Variants in NECAB1 observed in about 807,000 individuals in gnomAD.
NECAB1 encodes N-terminal EF-hand calcium binding protein 1, also known as N-terminal EF-hand calcium-binding protein 1.
NECAB1 carries 29 observed loss-of-function variants against 57.5 expected under a neutral mutation model. That is an observed-to-expected ratio of 0.50 (90% CI 0.38 to 0.69). The LOEUF (loss-of-function observed/expected upper bound fraction) is 0.69, where lower values mean the gene tolerates loss of function less well. Ranked by LOEUF, NECAB1 falls within the 30% of genes least tolerant of loss-of-function variation. The probability of loss-of-function intolerance (pLI) is 0.00; values close to 1 mark genes in which losing one functional copy is unlikely to be tolerated. For synonymous variants in NECAB1, 142 were observed against 147.7 expected, an observed-to-expected ratio of 0.96 and a Z score of 0.28; for missense variants, 372 against 413.8, an observed-to-expected ratio of 0.90 and a Z score of 0.88.
intron 3 of NECAB1, among the ~76,000 whole-genome samples, chr8:90,845,256 A>G (rs1448532023): frequency 2.6e-5 from 4 of 152,228 alleles, no homozygotes; most frequent in Admixed American, 2.6e-4. Context: ...CCAAGCTGAC[A>G]CATAAAATTA....
At chr8:90,857,050 T>C (rs887455263) in intron 3 of NECAB1, among the ~76,000 whole-genome samples, 11 of 152,194 alleles carry the variant, frequency 7.2e-5, no homozygotes, top group Non-Finnish European at 1.2e-4. Context: ...AAGCATTCCC[T>C]AGGGTAAGCA....
chr8:90,839,014 A>G (rs951000580), intron 3 of NECAB1, among the ~76,000 whole-genome samples: 6 of 152,164 alleles, frequency 3.9e-5, no homozygotes, highest in African/African-American at 1.4e-4. Flanking sequence ...CATATTGCCT[A>G]TTTTTATTTT....
intron 6 of NECAB1, among the ~76,000 whole-genome samples, chr8:90,924,931 A>G (rs575533553): frequency 6.6e-6 from 1 of 151,916 alleles, no homozygotes; most frequent in South Asian, 2.1e-4. Context: ...TCATATCAGT[A>G]TATAACATAT....
rs1809950978 is a variant in NECAB1, at chr8:90,916,327, TAGA to T, written c.358-1162_358-1160del. Among the ~76,000 whole-genome samples, 3 of 152,184 alleles carry T rather than the reference TAGA, an allele frequency of 2.0e-5. 1 individual carries two copies. In the South Asian group the frequency reaches 6.2e-4, roughly 32 times the overall value. On this transcript the variant is annotated intron_variant, in intron 5 of 12. Coordinates refer to ENST00000417640, the MANE Select transcript of NECAB1 (RefSeq NM_022351.5). ...CCAATTCTTCCTAAATTAAAGTTGA[TAGA>T]AGCACAGAATATTTTTGAGTTGGAA...
intron 9 of NECAB1, among the ~76,000 whole-genome samples, chr8:90,935,188 T>A (rs998848266): frequency 2.0e-5 from 3 of 152,192 alleles, no homozygotes; most frequent in African/African-American, 7.2e-5. Context: ...ACCTTTCATC[T>A]CTGAATTGTG....
chr8:90,801,696 G>C lies in NECAB1; in HGVS notation c.105G>C (p.Leu35=). 6.5e-7 allele frequency: 1 copy of C among 1,528,308 alleles called. No individual in the cohort carries two copies. Among genetic ancestry groups the C allele is most frequent in the East Asian group, 2.5e-5 (1 of 40,562 alleles). 94.7% of individuals were successfully genotyped at this position (1,528,308 alleles called of 1,614,324 possible). A position where few individuals can be genotyped will look rare whatever the true frequency, so the allele number is the denominator to read the frequency against. The change falls in exon 2 of 13, where the codon CTG becomes CTC. Residue 35 remains leucine, a synonymous_variant. Transcript: ENST00000417640. ...TTTTCCTTTTTCCTTTCCAGATACT[G>C]AGGAGAGCAGACAAAAATGGTAAGA... ...SKGMSIFLDI[L]RRADKNDDGK...
intron 3 of NECAB1, among the ~76,000 whole-genome samples, chr8:90,862,850 A>G (rs1331470341): frequency 2.4e-5 from 2 of 84,552 alleles, no homozygotes; most frequent in Non-Finnish European, 4.4e-5. Context: ...AGTTCAGAAT[A>G]CCAGAAAACT....
intron 7 of NECAB1, among the ~76,000 whole-genome samples, chr8:90,926,770 T>G (rs878993820): frequency 6.6e-6 from 1 of 152,216 alleles, no homozygotes; most frequent in Admixed American, 6.5e-5. Flanking sequence ...CATTGTTTTA[T>G]GTACTGTGTG....
intron 9 of NECAB1, 28 bp from the exon 10 acceptor site, chr8:90,940,758 G>A (rs937547650): frequency 8.5e-6 from 13 of 1,531,128 alleles, no homozygotes; most frequent in Admixed American, 3.9e-5. Context: ...GACAGCCAAC[G>A]CAGTGACCCT....
At chr8:90,800,881 C>T (rs1346082347) in intron 1 of NECAB1, among the ~76,000 whole-genome samples, 3 of 152,020 alleles carry the variant, frequency 2.0e-5, no homozygotes, top group Non-Finnish European at 4.4e-5. Flanking sequence ...AGCACCTAGG[C>T]CAAGCATGTA....
intron 5 of NECAB1, among the ~76,000 whole-genome samples, chr8:90,905,840 T>C (rs190449317): frequency 6.6e-5 from 10 of 152,354 alleles, no homozygotes; most frequent in Admixed American, 2.0e-4. Context: ...ATTAATATTC[T>C]AGTTCCTAAT....
At chr8:90,955,112 T>TTTTATATATATATA (rs1554578887) in intron 12 of NECAB1, among the ~76,000 whole-genome samples, 6 of 70,814 alleles carry the variant, frequency 8.5e-5, no homozygotes, top group African/African-American at 2.4e-4. Context: ...GGTATATAAA[T>TTTTATATATATATA]TATATATATA....
At chr8:90,873,388 T>C (rs147394590) in intron 4 of NECAB1, among the ~76,000 whole-genome samples, 8 of 152,342 alleles carry the variant, frequency 5.3e-5, no homozygotes, top group Non-Finnish European at 1.0e-4. Context: ...GTTAAGTACC[T>C]GAAAGTGCCC....
intron 5 of NECAB1, among the ~76,000 whole-genome samples, chr8:90,886,519 T>C (rs1025540363): frequency 1.3e-5 from 2 of 152,030 alleles, no homozygotes; most frequent in African/African-American, 2.4e-5. Context: ...CTCTGTTCTC[T>C]CTCTCTCTTT....
rs1811744208 is a variant in NECAB1, at chr8:90,800,636, G to A, written c.100-1055G>A. ...TAGGATTTCAACATTTGGTTTTGGA[G>A]GACACAATTCAACCTACAATATATC... On this transcript the variant is annotated intron_variant, in intron 1 of 12. Transcript: ENST00000417640. Among the ~76,000 whole-genome samples, 4 of 152,152 alleles carry A rather than the reference G, an allele frequency of 2.6e-5. No individual in the cohort carries two copies. The South Asian group carries it at 8.3e-4, about 32-fold the overall frequency.
intron 8 of NECAB1, among the ~76,000 whole-genome samples, chr8:90,929,778 G>A (rs1230029222): frequency 1.3e-5 from 2 of 152,084 alleles, no homozygotes; most frequent in East Asian, 3.9e-4. Context: ...ATTTGCTATG[G>A]AGAAGTAAAA....
intron 3 of NECAB1, among the ~76,000 whole-genome samples, chr8:90,868,569 A>G (rs1489199563): frequency 2.0e-5 from 3 of 152,154 alleles, no homozygotes; most frequent in Admixed American, 6.5e-5. Context: ...TGTTCTAAGG[A>G]TCTGTGGAAC....
chr8:90,852,281 C>T (rs190665564), intron 3 of NECAB1, among the ~76,000 whole-genome samples: 33 of 152,244 alleles, frequency 2.2e-4, no homozygotes, highest in African/African-American at 7.2e-4. Context: ...CACCACTCAT[C>T]GAGGCCCTGA....
intron 2 of NECAB1, among the ~76,000 whole-genome samples, chr8:90,807,798 A>G (rs562552447): frequency 1.3e-5 from 2 of 152,090 alleles, no homozygotes; most frequent in East Asian, 3.9e-4. Flanking sequence ...TCTCAGGTAC[A>G]TGCAGACACC....
Sources: gnomAD v4.1 joint callset for allele counts (sites outside exome capture counted in the v4.1 genomes callset) on GRCh38, gnomAD v4.1.1 for gene constraint, MANE v1.5 for transcripts, NCBI Gene and HGNC (gene_info 2026-07-23, HGNC 2026-07-21) for gene names.